SDC4: variants seen among roughly 807,000 people sequenced by gnomAD.
SDC4 encodes syndecan 4.
SDC4 carries 17 observed loss-of-function variants against 20.5 expected under a neutral mutation model. The ratio of observed to expected loss-of-function variants is 0.83; its 90% CI spans 0.57 to 1.25. The LOEUF is 1.25. Ranked by LOEUF, SDC4 falls within the 50% of genes most tolerant of loss-of-function variation. The pLI, the probability that SDC4 is intolerant of heterozygous loss-of-function variation, is 0.00. For missense variants in SDC4, 241 were observed against 252.3 expected (o/e 0.96, Z 0.30); for synonymous variants, 107 against 105.3 (o/e 1.02, Z -0.10).
At chr20:45,333,218 C>G (rs2981386) in intron 2 of SDC4, 149 bp from the exon 3 acceptor site, 2 of 712,934 alleles carry the variant, frequency 2.8e-6, no homozygotes, top group African/African-American at 3.5e-5. Context: ...CTTCAGTCAT[C>G]TCATCTGTAA....
chr20:45,341,514 C>G (rs1412073495), intron 1 of SDC4, among the ~76,000 whole-genome samples: 1 of 152,144 alleles, frequency 6.6e-6, no homozygotes, highest in Admixed American at 6.5e-5. Context: ...ACCAGAAACA[C>G]CTGAAATTCT....
intron 1 of SDC4, among the ~76,000 whole-genome samples, chr20:45,344,853 G>T (rs189216576): frequency 6.6e-6 from 1 of 152,126 alleles, no homozygotes; most frequent in African/African-American, 2.4e-5. Flanking sequence ...CAGAGACAGG[G>T]CATGTTTGCT....
intron 4 of SDC4, among the ~76,000 whole-genome samples, chr20:45,329,517 C>T (rs750429567): frequency 4.6e-5 from 7 of 152,244 alleles, no homozygotes; most frequent in Non-Finnish European, 1.0e-4. Flanking sequence ...TCATCAGGGG[C>T]TGTGCTCCCA....
intron 1 of SDC4, among the ~76,000 whole-genome samples, chr20:45,340,537 C>A (rs554296100): frequency 1.1e-3 from 166 of 152,370 alleles, no homozygotes; most frequent in Non-Finnish European, 2.1e-3. Context: ...CCAGGGCAAC[C>A]CTGTCCCTGC....
At chr20:45,337,224 A>G (rs938372617) in intron 1 of SDC4, among the ~76,000 whole-genome samples, 13 of 152,238 alleles carry the variant, frequency 8.5e-5, no homozygotes, top group Admixed American at 7.9e-4. Flanking sequence ...CTGTTTGCCC[A>G]GAGAACAGCA....
intron 1 of SDC4, among the ~76,000 whole-genome samples, chr20:45,347,529 C>T (rs547594976): frequency 1.3e-5 from 2 of 152,180 alleles, no homozygotes; most frequent in South Asian, 4.1e-4. Context: ...TTCTCTCCCC[C>T]CTACCCCCTT....
chr20:45,335,999 G>A (rs1221289556), intron 1 of SDC4, 79 bp from the exon 2 acceptor site: 72 of 1,509,690 alleles, frequency 4.8e-5, no homozygotes, highest in Non-Finnish European at 6.2e-5. Flanking sequence ...TAGTGAAGTG[G>A]GCATTCAGAA....
chr20:45,332,983 AG>A (rs1987801819), intron 3 of SDC4, 39 bp downstream of exon 3: 1 of 1,596,766 alleles, frequency 6.3e-7, no homozygotes, highest in Non-Finnish European at 8.6e-7. Flanking sequence ...TCTGCTATAG[AG>A]GAGCAAAGTG....
At chr20:45,334,024 T>C (rs1018868681) in intron 2 of SDC4, among the ~76,000 whole-genome samples, 9 of 151,066 alleles carry the variant, frequency 6.0e-5, no homozygotes, top group Non-Finnish European at 1.0e-4. Flanking sequence ...AGACAGAGTC[T>C]CTCTCTGTCG....
At chr20:45,344,278 A>G (rs1202036825) in intron 1 of SDC4, among the ~76,000 whole-genome samples, 1 of 134,770 alleles carries the variant, frequency 7.4e-6, no homozygotes, top group African/African-American at 2.6e-5. Flanking sequence ...TAGTACAAAC[A>G]TGTCCTGTAT....
intron 1 of SDC4, among the ~76,000 whole-genome samples, chr20:45,336,698 T>C (rs1399086080): frequency 6.6e-6 from 1 of 152,016 alleles, no homozygotes; most frequent in Non-Finnish European, 1.5e-5. Flanking sequence ...TGGCAGCTGA[T>C]TCACACAGGA....
chr20:45,342,660 G>A (rs1410013564), intron 1 of SDC4, among the ~76,000 whole-genome samples: 1 of 152,074 alleles, frequency 6.6e-6, no homozygotes, highest in Non-Finnish European at 1.5e-5. Flanking sequence ...TGAAGGTGGG[G>A]GTTGGGGGAA....
intron 2 of SDC4, among the ~76,000 whole-genome samples, chr20:45,334,546 T>G (rs549068919): frequency 6.6e-6 from 1 of 152,038 alleles, no homozygotes; most frequent in East Asian, 1.9e-4. Flanking sequence ...TGGAGTGCAA[T>G]GGCGTGATCT....
At chr20:45,336,964 C>T (rs1987880260) in intron 1 of SDC4, among the ~76,000 whole-genome samples, 1 of 151,900 alleles carries the variant, frequency 6.6e-6, no homozygotes, top group Non-Finnish European at 1.5e-5. Context: ...ACAGACCATC[C>T]ACTCCAGTAC....
intron 1 of SDC4, among the ~76,000 whole-genome samples, chr20:45,338,021 G>C (rs2743381): frequency 6.6e-6 from 1 of 152,204 alleles, no homozygotes; most frequent in Non-Finnish European, 1.5e-5. Context: ...GCAGGAGGAA[G>C]GCTCCTCATG....
Position 45,326,236 on chromosome 20 carries a change from T to C in SDC4, c.*1028A>G, listed in dbSNP as rs1407923773. The C allele has an allele frequency of 1.4e-5, 2 of 147,222 alleles. No homozygotes were observed. Among genetic ancestry groups the C allele is most frequent in the East Asian group, 3.9e-4 (2 of 5,164 alleles). The allele number at this position is 147,222 out of a possible 1,614,324, so 9.1% of individuals were successfully genotyped here. ...AAAAAAACTATGTTTCGGCAAAAGC[T>C]ATTTTATAAGAGGAAGCAGCTTCAG... On this transcript the variant is annotated 3_prime_UTR_variant, in exon 5 of 5. Transcript: ENST00000372733.
chr20:45,348,246 T>A, intron 1 of SDC4, 79 bp downstream of exon 1: 1,578 of 769,058 alleles, frequency 2.1e-3, no homozygotes, highest in Non-Finnish European at 3.0e-3. Context: ...CCCCCCCCCA[T>A]CCCACGCTCC....
At chr20:45,338,960 C>T (rs1216995855) in intron 1 of SDC4, among the ~76,000 whole-genome samples, 1 of 152,150 alleles carries the variant, frequency 6.6e-6, no homozygotes, top group Non-Finnish European at 1.5e-5. Context: ...CTTCTTCCAG[C>T]TCCCAGTGGT....
chr20:45,348,330 C>G lies in SDC4; in HGVS notation c.55G>C (p.Glu19Gln), dbSNP rs778992238. 1 of 1,586,690 alleles carries G rather than the reference C, an allele frequency of 6.3e-7. No individual in the cohort carries two copies. The change falls in exon 1 of 5, where the codon GAG becomes CAG. Residue 19 changes from glutamate to glutamine, a missense_variant. Physicochemically the swap from Glu to Gln is conservative, Grantham distance 29. Transcript: ENST00000372733. The stretch of plus-strand genomic sequence containing the variant: ...GGGAACCTCCAAGCACCCACCGACT[C>G]GGCGACTCCGCCTACGAAGAACAGC... Reference protein sequence around the residue: ...LLLFFVGGVAESIRETEVIDP... With the variant: ...LLLFFVGGVAQSIRETEVIDP...
Sources: allele counts gnomAD v4.1 joint callset (sites outside exome capture counted in the v4.1 genomes callset), GRCh38; gene constraint gnomAD v4.1.1; transcripts MANE v1.5; gene names NCBI Gene and HGNC (gene_info 2026-07-23, HGNC 2026-07-21).